The following DISC1 variants were observed in gnomAD, a reference collection of about 807,000 sequenced individuals.
The protein encoded by DISC1 is DISC1 scaffold protein.
DISC1 carries 57 observed loss-of-function variants against 84.5 expected under a neutral mutation model. That is an observed-to-expected ratio of 0.67 (90% CI 0.55 to 0.84). The LOEUF (loss-of-function observed/expected upper bound fraction) is 0.84, where lower values mean the gene tolerates loss of function less well. Among genes scored for constraint, DISC1 ranks in the 40% least tolerant of loss-of-function variants. The pLI is 0.00. For missense variants in DISC1, 1,000 were observed against 1,057.8 expected, an observed-to-expected ratio of 0.95 and a Z score of 0.76; for synonymous variants, 411 against 415.2, an observed-to-expected ratio of 0.99 and a Z score of 0.12.
In DISC1 at chr1:232,036,728, C is replaced by T; in HGVS notation, c.2462C>T (p.Thr821Ile). The T allele has an allele frequency of 6.2e-7, 1 of 1,605,590 alleles. No homozygotes were observed. Among genetic ancestry groups the T allele is most frequent in the African/African-American group, 1.3e-5 (1 of 74,940 alleles). ...LRRELQMVKE[T>I]LQAMILQLQP... is the part of the protein sequence containing the mutation. ...AGGGAGCTCCAGATGGTGAAGGAAA[C>T]TCTGCAGGCCATGATCCTGCAGCTC... Residue 821 changes from threonine to isoleucine, a missense_variant, in exon 13 of 13, where the codon ACT (threonine) becomes ATT (isoleucine). Physicochemically the swap from Thr to Ile is moderately conservative, Grantham distance 89 (BLOSUM62 -1). This residue lies in a region of DISC1 where 397 missense variants were observed against 377.5 expected (regional missense o/e 1.05). Coordinates refer to ENST00000439617, the MANE Select transcript of DISC1 (RefSeq NM_018662.3).
intron 8 of DISC1, among the ~76,000 whole-genome samples, chr1:231,812,214 C>T (rs1471644726): frequency 6.6e-6 from 1 of 152,016 alleles, no homozygotes; most frequent in Non-Finnish European, 1.5e-5. Flanking sequence ...TACCACCATG[C>T]CTGGCTAATT....
intron 9 of DISC1, among the ~76,000 whole-genome samples, chr1:231,912,835 C>A (rs1020937568): frequency 1.3e-5 from 2 of 148,644 alleles, no homozygotes; most frequent in African/African-American, 5.0e-5. Context: ...TTCCTTTCTT[C>A]TTCTTTTTCT....
At chr1:231,910,362 C>G (rs1186335916) in intron 9 of DISC1, among the ~76,000 whole-genome samples, 1 of 152,144 alleles carries the variant, frequency 6.6e-6, no homozygotes, top group Admixed American at 6.5e-5. Context: ...CCCAGAGATT[C>G]TGGTATGTTG....
intron 9 of DISC1, among the ~76,000 whole-genome samples, chr1:231,845,153 C>T (rs1053630647): frequency 2.0e-5 from 3 of 152,078 alleles, no homozygotes; most frequent in Non-Finnish European, 2.9e-5. Flanking sequence ...CCCTACTTCC[C>T]GTCATAGCCT....
intron 3 of DISC1, among the ~76,000 whole-genome samples, chr1:231,721,228 G>A (rs200277251): frequency 6.6e-6 from 1 of 152,020 alleles, no homozygotes; most frequent in Non-Finnish European, 1.5e-5. Flanking sequence ...ATTAATTCAG[G>A]CTGTCCCTGG....
intron 10 of DISC1, among the ~76,000 whole-genome samples, chr1:231,976,146 C>A (rs1382146045): frequency 6.6e-6 from 1 of 152,130 alleles, no homozygotes; most frequent in Non-Finnish European, 1.5e-5. Context: ...GAGCAAGGGA[C>A]CTAACTATTT....
intron 7 of DISC1, among the ~76,000 whole-genome samples, chr1:231,797,707 A>G (rs865839438): frequency 6.6e-6 from 1 of 152,180 alleles, no homozygotes. Flanking sequence ...AAACATCTCC[A>G]ACCATTGCAC....
At chr1:231,658,513 A>G (rs2061323184) in intron 1 of DISC1, among the ~76,000 whole-genome samples, 1 of 152,248 alleles carries the variant, frequency 6.6e-6, no homozygotes, top group Middle Eastern at 3.4e-3. Context: ...TTCCAATACT[A>G]TGTTGAATAG....
chr1:231,981,223 TA>T (rs1405040872), intron 10 of DISC1, among the ~76,000 whole-genome samples: 1 of 152,188 alleles, frequency 6.6e-6, no homozygotes, highest in Non-Finnish European at 1.5e-5. Context: ...GGATTACAGG[TA>T]TGAGCCACTG....
intron 1 of DISC1, among the ~76,000 whole-genome samples, chr1:231,648,133 A>T (rs191027477): frequency 6.6e-6 from 1 of 152,196 alleles, no homozygotes; most frequent in Non-Finnish European, 1.5e-5. Context: ...TCCCTGTCTT[A>T]TGCCAGTTTT....
At chr1:231,818,896 G>C (rs372684884) in intron 9 of DISC1, 3 of 1,029,824 alleles carry the variant, frequency 2.9e-6, no homozygotes, top group Middle Eastern at 4.8e-4. Context: ...GACTAAATCA[G>C]GCTGATCTGA....
intron 9 of DISC1, among the ~76,000 whole-genome samples, chr1:231,920,503 G>A (rs2089928108): frequency 6.6e-6 from 1 of 152,148 alleles, no homozygotes; most frequent in Non-Finnish European, 1.5e-5. Context: ...TCTCATGTAA[G>A]TAGAATCATA....
At chr1:231,885,876 CTGTCTT>C (rs1158678448) in intron 9 of DISC1, among the ~76,000 whole-genome samples, 4 of 152,176 alleles carry the variant, frequency 2.6e-5, no homozygotes, top group African/African-American at 9.7e-5. Context: ...GTCCTAGTCT[CTGTCTT>C]TGTTTTCTGT....
At chr1:232,020,132 G>A (rs991891835) in intron 11 of DISC1, among the ~76,000 whole-genome samples, 3 of 152,044 alleles carry the variant, frequency 2.0e-5, no homozygotes, top group South Asian at 2.1e-4. Context: ...ACCTGAGATC[G>A]GGAGTTCGAG....
intron 10 of DISC1, 39 bp from the exon 11 acceptor site, chr1:232,008,746 T>A: frequency 6.6e-7 from 1 of 1,522,428 alleles, no homozygotes; most frequent in Non-Finnish European, 8.8e-7. Context: ...GAAACATCAC[T>A]GAGTTCATTT....
chr1:231,710,049 G>A (rs1177660651), intron 3 of DISC1, among the ~76,000 whole-genome samples: 1 of 152,138 alleles, frequency 6.6e-6, no homozygotes, highest in Non-Finnish European at 1.5e-5. Flanking sequence ...GGATGAGGCA[G>A]TGACTTCGAT....
chr1:231,745,499 G>T (rs1185525567), intron 3 of DISC1: 7 of 229,424 alleles, frequency 3.1e-5, no homozygotes, highest in Non-Finnish European at 6.7e-5. Flanking sequence ...TGGGATTACA[G>T]GTATGAGCCA....
chr1:231,840,762 C>T (rs1016078834), intron 9 of DISC1, among the ~76,000 whole-genome samples: 1 of 151,754 alleles, frequency 6.6e-6, no homozygotes, highest in Non-Finnish European at 1.5e-5. Context: ...GGCTGGAGTG[C>T]AGTGGCGCGA....
At chr1:231,895,122 T>C (rs1338055496) in intron 9 of DISC1, among the ~76,000 whole-genome samples, 1 of 151,604 alleles carries the variant, frequency 6.6e-6, no homozygotes, top group Non-Finnish European at 1.5e-5. Flanking sequence ...TGCCTTCCTT[T>C]AGAACTGAGT....
Sources: allele counts gnomAD v4.1 joint callset (sites outside exome capture counted in the v4.1 genomes callset), GRCh38; gene constraint gnomAD v4.1.1; regional missense constraint gnomAD v4.1.1; transcripts MANE v1.5; gene names NCBI Gene and HGNC (gene_info 2026-07-23, HGNC 2026-07-21).